GYS1: variants seen among roughly 807,000 people sequenced by gnomAD.
The protein encoded by GYS1 is glycogen synthase 1.
GYS1 carries 60 observed loss-of-function variants against 89.1 expected under a neutral mutation model. The observed-to-expected ratio is 0.67, with a 90% CI of 0.55 to 0.84. The LOEUF (loss-of-function observed/expected upper bound fraction) is 0.84. Among genes scored for constraint, GYS1 ranks in the 40% least tolerant of loss-of-function variants. The probability of loss-of-function intolerance (pLI) is 0.00; values close to 1 mark genes in which losing one functional copy is unlikely to be tolerated. For synonymous variants in GYS1, 366 were observed against 401.7 expected, an observed-to-expected ratio of 0.91 and a Z score of 1.06; for missense variants, 888 against 1,003.1, an observed-to-expected ratio of 0.89 and a Z score of 1.55.
intron 6 of GYS1, among the ~76,000 whole-genome samples, 160 bp downstream of exon 6, chr19:48,982,560 C>T (rs2038783004): frequency 6.6e-6 from 1 of 152,078 alleles, no homozygotes; most frequent in Non-Finnish European, 1.5e-5. Flanking sequence ...TAATCCTGAG[C>T]CCATTGTTCC....
At chr19:48,986,502 TC>T (rs1453573239) in intron 3 of GYS1, among the ~76,000 whole-genome samples, 2 of 150,790 alleles carry the variant, frequency 1.3e-5, no homozygotes, top group South Asian at 4.2e-4. Flanking sequence ...TTTTTTTTTT[TC>T]TTTTTCTTTT....
chr19:48,972,262 C>T (rs540970605), intron 12 of GYS1, among the ~76,000 whole-genome samples: 54 of 151,592 alleles, frequency 3.6e-4, no homozygotes, highest in African/African-American at 7.0e-4. Context: ...CACTTGAACC[C>T]GGGAGGCGGT....
chr19:48,980,032 C>T (rs914924065), intron 8 of GYS1, among the ~76,000 whole-genome samples: 3 of 152,090 alleles, frequency 2.0e-5, no homozygotes, highest in African/African-American at 7.2e-5. Flanking sequence ...ACAGCCTCAA[C>T]CTCCAGGGCC....
intron 12 of GYS1, among the ~76,000 whole-genome samples, chr19:48,971,443 T>C (rs1440259970): frequency 6.6e-6 from 1 of 152,170 alleles, no homozygotes; most frequent in Non-Finnish European, 1.5e-5. Flanking sequence ...ATAAGGTCTC[T>C]CATTATTAGT....
intron 6 of GYS1, 48 bp downstream of exon 6, chr19:48,982,672 G>T (rs2038785297): frequency 7.6e-7 from 1 of 1,318,932 alleles, no homozygotes; most frequent in Non-Finnish European, 1.1e-6. Flanking sequence ...AGATGGTTAG[G>T]CTCCCAACGC....
rs1028036950 is a variant in GYS1, at chr19:48,969,156, G to A, written c.*132C>T. 4 of 760,192 alleles carry A rather than the reference G, an allele frequency of 5.3e-6. No homozygotes were observed. The highest frequency in any genetic ancestry group is 8.4e-6 in the Non-Finnish European group (4 of 474,306). The allele number at this position is 760,192 out of a possible 1,614,324, so 47.1% of individuals were successfully genotyped here. A position where few individuals can be genotyped will look rare whatever the true frequency, so the allele number is the denominator to read the frequency against. ...TGGAGCTGGAGGGGGTGGAGTGTTT[G>A]GCGGACTGGGTGGGGGCACTGCGGG... On this transcript the variant is annotated 3_prime_UTR_variant, in exon 16 of 16. Transcript: ENST00000323798.
Position 48,970,922 on chromosome 19 carries a change from G to T in GYS1, c.1645+6C>A. On this transcript the variant is annotated splice_donor_region_variant and intron_variant, in intron 13 of 15. Transcript: ENST00000323798. Reference sequence around the variant, plus strand: ...TTCCAGAATCCTCAGGGGCCTGGGCGCTGACCGTAAGCTGAGGGGTCTGCG... The same window carrying T: ...TTCCAGAATCCTCAGGGGCCTGGGCTCTGACCGTAAGCTGAGGGGTCTGCG... The T allele has an allele frequency of 6.2e-7, 1 of 1,606,954 alleles. No individual in the cohort carries two copies. Among genetic ancestry groups the T allele is most frequent in the South Asian group, 1.1e-5 (1 of 90,920 alleles).
At chr19:48,969,754 A>G in intron 15 of GYS1, 21 bp downstream of exon 15, 1 of 1,609,854 alleles carries the variant, frequency 6.2e-7, no homozygotes, top group African/African-American at 1.3e-5. Flanking sequence ...CTGGCTAAGC[A>G]GAAATCCAGG....
rs1361434588 is a variant in GYS1 at position 48,968,934 on chromosome 19, G to A, written c.*354C>T. 2 of 522,196 alleles carry A rather than the reference G, an allele frequency of 3.8e-6. No homozygotes were observed. The highest frequency in any genetic ancestry group is 1.5e-5 in the South Asian group (1 of 65,074). 32.3% of individuals were successfully genotyped at this position (522,196 alleles called of 1,614,324 possible). A position where few individuals can be genotyped will look rare whatever the true frequency, so the allele number is the denominator to read the frequency against. On this transcript the variant is annotated 3_prime_UTR_variant, in exon 16 of 16. Coordinates refer to ENST00000323798, the MANE Select transcript of GYS1 (RefSeq NM_002103.5). ...GCTGTAGAATTTGTAAGCCACACGG[G>A]GGGCTCTAAAAGCCCCAGACCTGAA... is the stretch of plus-strand genomic sequence containing the variant.
chr19:48,976,684 C>T (rs959322617), intron 10 of GYS1, among the ~76,000 whole-genome samples: 5 of 152,084 alleles, frequency 3.3e-5, no homozygotes, highest in Non-Finnish European at 1.5e-5. Flanking sequence ...GAGGTGGAGC[C>T]GTGTGCAGCA....
rs112190162 is a variant in GYS1 at position 48,973,887 on chromosome 19, C to T, written c.1549+326G>A. ...AGGTGGAGTTGATGGGCACTGGGAA[C>T]GTCTTACGAGGAGACTTGGCCACAC... On this transcript the variant is annotated intron_variant, in intron 12 of 15. Coordinates refer to ENST00000323798, the MANE Select transcript of GYS1 (RefSeq NM_002103.5). Among the ~76,000 whole-genome samples, 1,042 of 152,144 alleles carry T rather than the reference C, an allele frequency of 6.8e-3. 10 individuals carry two copies. Among genetic ancestry groups the T allele is most frequent in the African/African-American group, 0.024 (986 of 41,514 alleles).
chr19:48,981,234 G>A (rs1218686427), intron 8 of GYS1, among the ~76,000 whole-genome samples: 1 of 151,824 alleles, frequency 6.6e-6, no homozygotes, highest in African/African-American at 2.4e-5. Context: ...CCAATGTGGT[G>A]AAACCCCATC....
intron 2 of GYS1, among the ~76,000 whole-genome samples, chr19:48,989,761 G>A (rs530705267): frequency 9.0e-4 from 137 of 152,186 alleles, no homozygotes; most frequent in African/African-American, 3.2e-3. Context: ...TCCTCTGTCC[G>A]TGCCCCAGGG....
chr19:48,987,558 T>C (rs190448636), intron 2 of GYS1, among the ~76,000 whole-genome samples, 173 bp from the exon 3 acceptor site: 39 of 152,338 alleles, frequency 2.6e-4, no homozygotes, highest in African/African-American at 8.9e-4. Context: ...TTAGCCTTAC[T>C]TCTCTATTTG....
At chr19:48,988,228 T>C (rs1487241815) in intron 2 of GYS1, among the ~76,000 whole-genome samples, 2 of 152,190 alleles carry the variant, frequency 1.3e-5, no homozygotes, top group Non-Finnish European at 2.9e-5. Context: ...CTGCAAATCA[T>C]TTCCCCTACC....
chr19:48,989,971 C>G (rs190611392), intron 2 of GYS1, among the ~76,000 whole-genome samples: 24 of 150,720 alleles, frequency 1.6e-4, no homozygotes, highest in Non-Finnish European at 2.9e-4. Context: ...GGTCCCTCCC[C>G]CTCCCAGCTG....
intron 4 of GYS1, 92 bp from the exon 5 acceptor site, chr19:48,985,697 G>C: frequency 6.5e-7 from 1 of 1,536,994 alleles, no homozygotes; most frequent in Non-Finnish European, 9.0e-7. Flanking sequence ...ATTGGTGCTG[G>C]GGGCTGGATT....
At chr19:48,976,111 TCTA>T (rs2038645663) in intron 10 of GYS1, among the ~76,000 whole-genome samples, 1 of 151,996 alleles carries the variant, frequency 6.6e-6, no homozygotes, top group South Asian at 2.1e-4. Context: ...TTACCACCAC[TCTA>T]CTGAGTCTAG....
intron 5 of GYS1, among the ~76,000 whole-genome samples, chr19:48,984,524 T>A (rs939792980): frequency 3.3e-5 from 5 of 150,514 alleles, no homozygotes; most frequent in African/African-American, 7.3e-5. Flanking sequence ...GCCTCCCGAG[T>A]AGCTGGGATT....
Sources: allele counts gnomAD v4.1 joint callset (sites outside exome capture counted in the v4.1 genomes callset), GRCh38; gene constraint gnomAD v4.1.1; transcripts MANE v1.5; gene names NCBI Gene and HGNC (gene_info 2026-07-23, HGNC 2026-07-21).